The following GSPT1 variants were observed in gnomAD, a reference collection of about 807,000 sequenced individuals.
GSPT1 encodes G1 to S phase transition 1, also known as eukaryotic peptide chain release factor GTP-binding subunit ERF3A.
A neutral mutation model predicts 72.5 loss-of-function variants in GSPT1; 20 were observed. The observed-to-expected ratio is 0.28, with a 90% CI of 0.19 to 0.40. The LOEUF is 0.40. GSPT1 is among the 10% of genes least tolerant of loss of function. The pLI is 1.00. For missense variants in GSPT1, 580 were observed against 811.9 expected (o/e 0.71, Z 3.47); for synonymous variants, 334 against 293.5 (o/e 1.14, Z -1.41).
In GSPT1 at chr16:11,896,623, G is replaced by C. The variant is rs368967945; in HGVS notation, c.599C>G (p.Ser200Cys). 1 of 1,610,092 alleles carries C rather than the reference G, an allele frequency of 6.2e-7. No homozygotes were observed. Among genetic ancestry groups the C allele is most frequent in the Non-Finnish European group, 8.5e-7 (1 of 1,178,078 alleles). ...AGGAGCACCTGGCGGTGCAACCACA[G>C]ACTTAGGTTTTGGGATTTCCTCTTC... ...EEEEEIPKPK[S>C]VVAPPGAPKK... Residue 200 changes from serine to cysteine, a missense_variant, in exon 4 of 15, where the codon TCT becomes TGT. By Grantham distance (112) the Ser-to-Cys change is moderately radical. Transcript: ENST00000434724.
chr16:11,915,937 T>A lies in GSPT1; in HGVS notation c.-217A>T. Reference sequence around the variant, plus strand: ...GGCGGCGGCGGCGGCAGCTCAACCCTCCTCCTCGTGTGTGTGAGCGGATCT... The same window carrying A: ...GGCGGCGGCGGCGGCAGCTCAACCCACCTCCTCGTGTGTGTGAGCGGATCT... On this transcript the variant is annotated 5_prime_UTR_variant, in exon 1 of 15. Transcript: ENST00000434724. 1.3e-6 allele frequency: 1 copy of A among 749,748 alleles called. No homozygotes were observed. The highest frequency in any genetic ancestry group is 2.3e-4 in the Middle Eastern group (1 of 4,294). 46.4% of individuals were successfully genotyped at this position (749,748 alleles called of 1,614,324 possible).
chr16:11,908,759 C>CAAAAA (rs764948242), intron 1 of GSPT1: 23 of 25,668 alleles, frequency 9.0e-4, no homozygotes, highest in African/African-American at 5.9e-3. Context: ...GACTCCGTCT[C>CAAAAA]AAAAAAAAAA....
rs187385199 is a variant in GSPT1 at position 11,886,750 on chromosome 16, C to T, written c.1112+27G>A. 4.7e-5 allele frequency: 76 copies of T among 1,603,114 alleles called. No individual in the cohort carries two copies. In the East Asian group the frequency reaches 1.7e-3, roughly 35 times the overall value. Reference sequence around the variant, plus strand: ...ACAAAACCATCCTTAATCCCACTAACATAAAATACCAGACATCTACGCTCA... The same window carrying T: ...ACAAAACCATCCTTAATCCCACTAATATAAAATACCAGACATCTACGCTCA... On this transcript the variant is annotated intron_variant, in intron 8 of 14. Coordinates refer to ENST00000434724, the MANE Select transcript of GSPT1 (RefSeq NM_002094.4).
At chr16:11,916,004 A>G (rs464174), upstream of GSPT1, 8,732 of 663,272 alleles carry the variant, frequency 0.013, 243 homozygotes, top group East Asian at 0.11. Flanking sequence ...AGCCAACCCC[A>G]CCCCCGGCGC....
At chr16:11,898,422 A>C (rs1198703706) in intron 1 of GSPT1, among the ~76,000 whole-genome samples, 1 of 150,818 alleles carries the variant, frequency 6.6e-6, no homozygotes, top group Non-Finnish European at 1.5e-5. Flanking sequence ...AACCCAGCCC[A>C]AGAAAGCTGT....
chr16:11,906,415 G>C (rs943806639), intron 1 of GSPT1, among the ~76,000 whole-genome samples: 6 of 152,178 alleles, frequency 3.9e-5, no homozygotes, highest in African/African-American at 1.4e-4. Flanking sequence ...AGGGTTGCTT[G>C]AGGCCAAGAG....
At chr16:11,916,176 T>C, upstream of GSPT1, 1 of 359,336 alleles carries the variant, frequency 2.8e-6, no homozygotes, top group South Asian at 2.0e-5. Flanking sequence ...GGAGTCGAAG[T>C]TCAGGGACAG....
At chr16:11,904,455 G>A (rs977813914) in intron 1 of GSPT1, among the ~76,000 whole-genome samples, 2 of 152,084 alleles carry the variant, frequency 1.3e-5, no homozygotes, top group Admixed American at 6.6e-5. Flanking sequence ...GCCCGCCTTG[G>A]CCTCCTAAAG....
At chr16:11,898,677 C>A (rs377473099) in intron 1 of GSPT1, among the ~76,000 whole-genome samples, 9 of 152,080 alleles carry the variant, frequency 5.9e-5, no homozygotes, top group East Asian at 3.9e-4. Flanking sequence ...TTTTGAACTA[C>A]GACCTCAGGT....
intron 6 of GSPT1, among the ~76,000 whole-genome samples, chr16:11,888,498 A>C (rs975154101): frequency 6.6e-6 from 1 of 150,634 alleles, no homozygotes; most frequent in African/African-American, 2.4e-5. Context: ...GCAGTGGCTC[A>C]TGCTTGTAAT....
At position 11,868,945 on chromosome 16, in the gene GSPT1, A is replaced by C. The variant is rs991757939; in HGVS notation, c.*4174T>G. ...AATTAATCTCCACTCCCACACCTTC[A>C]GGCCCTTATAATAATCCTTAGTAAA... On this transcript the variant is annotated 3_prime_UTR_variant, in exon 15 of 15. Transcript: ENST00000434724. 3.3e-5 allele frequency: 5 copies of C among 152,202 alleles called. No homozygotes were observed. The highest frequency in any genetic ancestry group is 1.2e-4 in the African/African-American group (5 of 41,438). 9.4% of individuals were successfully genotyped at this position (152,202 alleles called of 1,614,324 possible). A position where few individuals can be genotyped will look rare whatever the true frequency, so the allele number is the denominator to read the frequency against.
intron 1 of GSPT1, 25 bp downstream of exon 1, chr16:11,915,344 T>C: frequency 1.4e-6 from 2 of 1,437,120 alleles, no homozygotes; most frequent in Non-Finnish European, 1.8e-6. Flanking sequence ...CCGGCCGGAC[T>C]TCCTCCCGCG....
chr16:11,878,392 C>T (rs2054074433), intron 11 of GSPT1, among the ~76,000 whole-genome samples: 2 of 152,114 alleles, frequency 1.3e-5, no homozygotes, highest in Admixed American at 6.6e-5. Flanking sequence ...GCTCAGATTA[C>T]AGGCGTGAGC....
At position 11,868,183 on chromosome 16, in the gene GSPT1, C is replaced by T. The variant is rs2053939524; in HGVS notation, c.*4936G>A. On this transcript the variant is annotated 3_prime_UTR_variant, in exon 15 of 15. Coordinates refer to ENST00000434724, the MANE Select transcript of GSPT1 (RefSeq NM_002094.4). Reference sequence around the variant, plus strand: ...TATTACAAAAGCAAATTTAATTTGTCATTTGAATAATTGCAAGAGCAGACT... The same window carrying T: ...TATTACAAAAGCAAATTTAATTTGTTATTTGAATAATTGCAAGAGCAGACT... The T allele has an allele frequency of 6.6e-6, 1 of 152,130 alleles. No individual in the cohort carries two copies. The highest frequency in any genetic ancestry group is 1.5e-5 in the Non-Finnish European group (1 of 68,022). 9.4% of individuals were successfully genotyped at this position (152,130 alleles called of 1,614,324 possible).
At chr16:11,875,634 T>C (rs2054038716) in intron 14 of GSPT1, 127 bp downstream of exon 14, 1 of 630,056 alleles carries the variant, frequency 1.6e-6, no homozygotes, top group Non-Finnish European at 2.7e-6. Flanking sequence ...AAAACACTCA[T>C]ACGAATAAGA....
chr16:11,887,356 A>G (rs944956919), intron 7 of GSPT1, among the ~76,000 whole-genome samples: 1 of 152,208 alleles, frequency 6.6e-6, no homozygotes, highest in Non-Finnish European at 1.5e-5. Flanking sequence ...AATAGATAAT[A>G]GCAACAGGAG....
intron 11 of GSPT1, among the ~76,000 whole-genome samples, chr16:11,878,429 T>C (rs1039935989): frequency 6.6e-6 from 1 of 151,888 alleles, no homozygotes; most frequent in Non-Finnish European, 1.5e-5. Context: ...AACTCTTTGT[T>C]TCTAACAAAA....
chr16:11,908,313 C>T (rs1456800517), intron 1 of GSPT1: 1 of 151,864 alleles, frequency 6.6e-6, no homozygotes, highest in East Asian at 1.9e-4. Context: ...TTCAGATACC[C>T]TCAAAAAAGT....
intron 14 of GSPT1, 122 bp downstream of exon 14, chr16:11,875,639 A>T: frequency 1.5e-6 from 1 of 653,260 alleles, no homozygotes. Context: ...ACTCATACGA[A>T]TAAGAATGTG....
Sources: allele counts gnomAD v4.1 joint callset (sites outside exome capture counted in the v4.1 genomes callset), GRCh38; gene constraint gnomAD v4.1.1; transcripts MANE v1.5; gene names NCBI Gene and HGNC (gene_info 2026-07-23, HGNC 2026-07-21).